Variants in CACNA2D3 observed in about 807,000 individuals in gnomAD.
The protein encoded by CACNA2D3 is calcium voltage-gated channel auxiliary subunit alpha2delta 3.
A neutral mutation model predicts 160.6 loss-of-function variants in CACNA2D3; 60 were observed. The ratio of observed to expected loss-of-function variants is 0.37; its 90% CI spans 0.30 to 0.46. The LOEUF (loss-of-function observed/expected upper bound fraction) is 0.46, where lower values mean the gene tolerates loss of function less well. Among genes scored for constraint, CACNA2D3 ranks in the 20% least tolerant of loss-of-function variants. The probability of loss-of-function intolerance (pLI) is 1.00; values close to 1 mark genes in which losing one functional copy is unlikely to be tolerated. For missense variants in CACNA2D3, 1,205 were observed against 1,365.0 expected, an observed-to-expected ratio of 0.88 and a Z score of 1.85; for synonymous variants, 558 against 492.9, an observed-to-expected ratio of 1.13 and a Z score of -1.75.
intron 24 of CACNA2D3, among the ~76,000 whole-genome samples, chr3:54,888,268 G>T (rs899956048): frequency 6.6e-6 from 1 of 152,172 alleles, no homozygotes; most frequent in Non-Finnish European, 1.5e-5. Flanking sequence ...GAGTTTTAAC[G>T]TTACATGAAA....
At chr3:54,890,946 A>G (rs971126207) in intron 24 of CACNA2D3, among the ~76,000 whole-genome samples, 6 of 152,226 alleles carry the variant, frequency 3.9e-5, no homozygotes, top group Non-Finnish European at 5.9e-5. Flanking sequence ...AAGACCAAGA[A>G]TAAACTTGGT....
chr3:54,803,793 G>A (rs1451814819), intron 13 of CACNA2D3, among the ~76,000 whole-genome samples: 2 of 152,128 alleles, frequency 1.3e-5, no homozygotes, highest in Admixed American at 1.3e-4. Flanking sequence ...AAATGTTAAG[G>A]GCAGCCAGAG....
At chr3:54,241,358 A>G (rs529492891) in intron 2 of CACNA2D3, among the ~76,000 whole-genome samples, 3 of 152,220 alleles carry the variant, frequency 2.0e-5, no homozygotes, top group South Asian at 2.1e-4. Context: ...AGTAGGTTCT[A>G]TTAGTATCAC....
chr3:54,532,560 TTC>T (rs1701821902), intron 5 of CACNA2D3, among the ~76,000 whole-genome samples: 1 of 152,230 alleles, frequency 6.6e-6, no homozygotes, highest in Non-Finnish European at 1.5e-5. Context: ...CTATTTCACT[TTC>T]TGTTTCTGAG....
chr3:54,490,023 G>T (rs1701082827), intron 4 of CACNA2D3, among the ~76,000 whole-genome samples: 1 of 152,198 alleles, frequency 6.6e-6, no homozygotes, highest in Admixed American at 6.5e-5. Flanking sequence ...CTTCCCCATA[G>T]GACACACATG....
intron 17 of CACNA2D3, among the ~76,000 whole-genome samples, chr3:54,851,206 T>C (rs1260948952): frequency 6.6e-6 from 1 of 152,206 alleles, no homozygotes; most frequent in Non-Finnish European, 1.5e-5. Flanking sequence ...AATCACTGAC[T>C]AATTGAATAG....
At chr3:54,386,105 C>G in intron 3 of CACNA2D3, 1 of 378,100 alleles carries the variant, frequency 2.6e-6, no homozygotes, top group Non-Finnish European at 5.2e-6. Flanking sequence ...AGAAGAATAA[C>G]AAGAATTGTG....
chr3:54,695,847 C>A (rs1189679430), intron 11 of CACNA2D3, among the ~76,000 whole-genome samples: 2 of 152,162 alleles, frequency 1.3e-5, no homozygotes, highest in Non-Finnish European at 2.9e-5. Context: ...AAATAATTTT[C>A]TCTGTTATTT....
intron 4 of CACNA2D3, among the ~76,000 whole-genome samples, chr3:54,393,447 G>A (rs867222778): frequency 2.9e-4 from 44 of 152,286 alleles, no homozygotes; most frequent in African/African-American, 8.2e-4. Flanking sequence ...GCACCCTGTC[G>A]TCCCTGAGGC....
intron 11 of CACNA2D3, among the ~76,000 whole-genome samples, chr3:54,724,425 A>G (rs955058015): frequency 3.3e-5 from 5 of 152,184 alleles, no homozygotes; most frequent in East Asian, 1.9e-4. Context: ...GACCTAACAG[A>G]TATCTACAGA....
intron 35 of CACNA2D3, among the ~76,000 whole-genome samples, chr3:55,033,032 T>G (rs899845411): frequency 6.6e-6 from 1 of 152,056 alleles, no homozygotes; most frequent in Non-Finnish European, 1.5e-5. Flanking sequence ...AAGTATCTGT[T>G]TTGAAAACAA....
intron 2 of CACNA2D3, among the ~76,000 whole-genome samples, chr3:54,272,578 A>G (rs1259760011): frequency 1.3e-5 from 2 of 151,928 alleles, no homozygotes; most frequent in East Asian, 1.9e-4. Flanking sequence ...GGGATGAGTG[A>G]TGAGGACTCA....
At chr3:54,141,719 TC>T (rs1209479648) in intron 2 of CACNA2D3, among the ~76,000 whole-genome samples, 2 of 152,214 alleles carry the variant, frequency 1.3e-5, no homozygotes, top group African/African-American at 4.8e-5. Flanking sequence ...TTTCTCCACT[TC>T]ATTTGTAGGG....
chr3:54,272,878 T>C (rs896497232), intron 2 of CACNA2D3: 1 of 152,354 alleles, frequency 6.6e-6, no homozygotes, highest in Non-Finnish European at 1.5e-5. Flanking sequence ...ACCTGTGAGC[T>C]GATGAGTGGG....
intron 2 of CACNA2D3, among the ~76,000 whole-genome samples, chr3:54,310,993 ACTTGAAGCTGGTGTTAGGACCG>A (rs1199922270): frequency 6.6e-6 from 1 of 152,164 alleles, no homozygotes; most frequent in African/African-American, 2.4e-5. Context: ...ACCATGACAA[ACTTGAAGCTGGTGTTAGGACCG>A]CTTGCCCCTA....
intron 35 of CACNA2D3, among the ~76,000 whole-genome samples, chr3:55,051,779 C>T (rs372457375): frequency 3.4e-4 from 52 of 152,246 alleles, no homozygotes; most frequent in East Asian, 2.7e-3. Context: ...TAGGACCCTC[C>T]GAGCCAGGTG....
chr3:54,431,492 TG>T (rs1255186697), intron 4 of CACNA2D3, among the ~76,000 whole-genome samples: 1 of 152,176 alleles, frequency 6.6e-6, no homozygotes, highest in East Asian at 1.9e-4. Context: ...CTTGCTGTCT[TG>T]GGTGTGGCAG....
At chr3:55,018,377 C>T (rs1703374563) in intron 35 of CACNA2D3, 60 bp downstream of exon 35, 7 of 1,020,098 alleles carry the variant, frequency 6.9e-6, no homozygotes, top group South Asian at 6.7e-5. Context: ...AGAACTTTCC[C>T]AGATGGGTCT....
At position 54,206,079 on chromosome 3, in the gene CACNA2D3, A is replaced by G. The variant is rs80292696; in HGVS notation, c.204+82485A>G. Among the ~76,000 whole-genome samples, 2,202 of 152,326 alleles carry G rather than the reference A, an allele frequency of 0.014. 129 individuals carry two copies. In the East Asian group the frequency reaches 0.21, roughly 14 times the overall value. On this transcript the variant is annotated intron_variant, in intron 2 of 37. Transcript: ENST00000474759. ...ACCTTGATGAAAATAAATAGAATGT[A>G]TAATTATTTATACATAGAAAACGTT... is the stretch of plus-strand genomic sequence containing the variant.
Sources: gnomAD v4.1 joint callset for allele counts (sites outside exome capture counted in the v4.1 genomes callset) on GRCh38, gnomAD v4.1.1 for gene constraint, MANE v1.5 for transcripts, NCBI Gene and HGNC (gene_info 2026-07-23, HGNC 2026-07-21) for gene names.